The following TRIO variants were observed in gnomAD, a reference collection of about 807,000 sequenced individuals.
TRIO encodes trio Rho guanine nucleotide exchange factor.
A neutral mutation model predicts 351.9 loss-of-function variants in TRIO; 58 were observed. That is an observed-to-expected ratio of 0.16 (90% CI 0.13 to 0.21). The LOEUF (loss-of-function observed/expected upper bound fraction) is 0.21, where lower values mean the gene tolerates loss of function less well. TRIO is among the 10% of genes least tolerant of loss of function. TRIO has a pLI of 1.00. For missense variants in TRIO, 3,201 were observed against 4,027.8 expected (o/e 0.79, Z 5.56); for synonymous variants, 1,758 against 1,595.7 (o/e 1.10, Z -2.42).
chr5:14,249,099 C>T (rs1011113906), intron 1 of TRIO, among the ~76,000 whole-genome samples: 1 of 152,234 alleles, frequency 6.6e-6, no homozygotes, highest in African/African-American at 2.4e-5. Flanking sequence ...CTAACCTTGG[C>T]TGGAGGCAGA....
At chr5:14,475,526 CAG>C (rs748309232) in intron 40 of TRIO, among the ~76,000 whole-genome samples, 5 of 152,238 alleles carry the variant, frequency 3.3e-5, no homozygotes, top group African/African-American at 7.2e-5. Context: ...TCCCTCCTAA[CAG>C]AATGTAAAAC....
At chr5:14,369,024 G>A in intron 17 of TRIO, 125 bp downstream of exon 17, 1 of 1,196,226 alleles carries the variant, frequency 8.4e-7, no homozygotes, top group Non-Finnish European at 1.2e-6. Context: ...AGTCAAGCAG[G>A]GAAAAGGCAT....
chr5:14,268,224 C>T lies in TRIO; in HGVS notation c.158-2601C>T, dbSNP rs1001253268. ...TGAGACATTTATTGAGTTCTGTTTT[C>T]TGCACCCTACTTTCAAATCAATATG... On this transcript the variant is annotated intron_variant, in intron 1 of 56. Transcript: ENST00000344204. Among the ~76,000 whole-genome samples the T allele has an allele frequency of 5.3e-5, 8 of 152,340 alleles. No homozygotes were observed. In the East Asian group the frequency reaches 9.6e-4, roughly 18 times the overall value.
Position 14,388,688 on chromosome 5 carries a change from G to GTTTTTTTTTTTTTTTTTTTTTTTTTTT in TRIO, c.3948+27_3948+28insTTTTTTTTTTTTTTTTTTTTTTTTTTT. The GTTTTTTTTTTTTTTTTTTTTTTTTTTT allele has an allele frequency of 6.9e-7, 1 of 1,440,392 alleles. No individual in the cohort carries two copies. 89.2% of individuals were successfully genotyped at this position (1,440,392 alleles called of 1,614,324 possible). On this transcript the variant is annotated intron_variant, in intron 24 of 56. Coordinates refer to ENST00000344204, the MANE Select transcript of TRIO (RefSeq NM_007118.4). ...TCCGGGAATGTATGGATGTAAGTAAGTTTTTTTTTTTTTTTTTTGCTTGTT... is the reference window on the plus strand; with the variant it reads ...TCCGGGAATGTATGGATGTAAGTAAGTTTTTTTTTTTTTTTTTTTTTTTTTTTTTTTTTTTTTTTTTTTTTGCTTGTT...
intron 1 of TRIO, among the ~76,000 whole-genome samples, chr5:14,263,652 C>G (rs1314742310): frequency 1.3e-5 from 2 of 152,118 alleles, no homozygotes; most frequent in African/African-American, 4.8e-5. Context: ...TCATTTGATA[C>G]ACACTAAATT....
intron 1 of TRIO, among the ~76,000 whole-genome samples, chr5:14,206,765 C>G (rs562146897): frequency 6.6e-6 from 1 of 152,292 alleles, no homozygotes; most frequent in African/African-American, 2.4e-5. Flanking sequence ...TTTCCGTGTA[C>G]TGGCAAAAAA....
intron 31 of TRIO, among the ~76,000 whole-genome samples, chr5:14,405,413 CCT>C (rs1178476702): frequency 6.6e-6 from 1 of 152,222 alleles, no homozygotes; most frequent in African/African-American, 2.4e-5. Flanking sequence ...GCCGCTGTTC[CCT>C]GAGTCCAGCA....
Position 14,280,451 on chromosome 5 carries a change from G to A in TRIO, c.347+15G>A. 4.4e-6 allele frequency: 7 copies of A among 1,603,378 alleles called. No individual in the cohort carries two copies. Among genetic ancestry groups the A allele is most frequent in the South Asian group, 2.2e-5 (2 of 90,840 alleles). On this transcript the variant is annotated intron_variant, in intron 3 of 56. Transcript: ENST00000344204. ...TGTATTCCCAGGTAAGTTCTGTGTGGCTTGTGCTTGTCACTGATGTCACAT... is the reference window on the plus strand; with the variant it reads ...TGTATTCCCAGGTAAGTTCTGTGTGACTTGTGCTTGTCACTGATGTCACAT...
intron 1 of TRIO, among the ~76,000 whole-genome samples, chr5:14,230,039 C>T (rs1055836374): frequency 2.6e-5 from 4 of 152,146 alleles, no homozygotes; most frequent in African/African-American, 9.7e-5. Context: ...GAAGTTGTAA[C>T]GTTTGCCAGC....
At chr5:14,261,735 A>G (rs936676982) in intron 1 of TRIO, among the ~76,000 whole-genome samples, 1 of 152,086 alleles carries the variant, frequency 6.6e-6, no homozygotes, top group Non-Finnish European at 1.5e-5. Flanking sequence ...CTCCCAGTTC[A>G]CTTCTTCCAA....
intron 1 of TRIO, among the ~76,000 whole-genome samples, chr5:14,172,428 TCTTCTGAGTGACAGTCA>T (rs1581269583): frequency 6.6e-6 from 1 of 152,164 alleles, no homozygotes; most frequent in Non-Finnish European, 1.5e-5. Context: ...GTGGCTCCTG[TCTTCTGAGTGACAGTCA>T]CTTTCAAGTG....
chr5:14,352,976 T>C (rs1055581858), intron 11 of TRIO, among the ~76,000 whole-genome samples: 8 of 152,116 alleles, frequency 5.3e-5, no homozygotes, highest in Non-Finnish European at 8.8e-5. Flanking sequence ...GAGGAAGTGA[T>C]TTCTATAGAC....
chr5:14,281,611 G>A (rs775505492), intron 3 of TRIO, among the ~76,000 whole-genome samples: 2 of 152,142 alleles, frequency 1.3e-5, no homozygotes, highest in African/African-American at 2.4e-5. Context: ...TAAGGATACA[G>A]TCATGCCTGG....
At chr5:14,496,727 C>G in intron 49 of TRIO, 152 bp from the exon 50 acceptor site, 1 of 983,726 alleles carries the variant, frequency 1.0e-6, no homozygotes, top group Non-Finnish European at 1.4e-6. Context: ...AAAAAAGGAA[C>G]ATTTTCTCTA....
At chr5:14,290,595 T>C in intron 4 of TRIO, 121 bp from the exon 5 acceptor site, 1 of 1,032,786 alleles carries the variant, frequency 9.7e-7, no homozygotes, top group Non-Finnish European at 1.4e-6. Flanking sequence ...AGGTATGTTA[T>C]GTTTTCTATA....
intron 37 of TRIO, chr5:14,466,014 CTGTT>C (rs1317343117): frequency 1.1e-5 from 3 of 265,506 alleles, no homozygotes; most frequent in Admixed American, 4.3e-5. Flanking sequence ...TGTTGAGTGT[CTGTT>C]TGGGCTCAGA....
In TRIO at chr5:14,381,127, C is replaced by A; in HGVS notation, c.3448-3C>A. 6.2e-7 allele frequency: 1 copy of A among 1,613,200 alleles called. No homozygotes were observed. On this transcript the variant is annotated splice_region_variant and splice_polypyrimidine_tract_variant and intron_variant, in intron 20 of 56. Coordinates refer to ENST00000344204, the MANE Select transcript of TRIO (RefSeq NM_007118.4). ...TGACTCCATTCATTCCTTCCCCTTC[C>A]AGGCTTTGGAATGGATCCATGACAA...
intron 1 of TRIO, among the ~76,000 whole-genome samples, chr5:14,146,046 G>A (rs536051878): frequency 1.3e-5 from 2 of 152,208 alleles, no homozygotes; most frequent in Non-Finnish European, 1.5e-5. Context: ...TCCCATTCCA[G>A]CGATAGCCTG....
At chr5:14,445,194 C>A (rs1752349235) in intron 34 of TRIO, among the ~76,000 whole-genome samples, 1 of 152,184 alleles carries the variant, frequency 6.6e-6, no homozygotes, top group Admixed American at 6.5e-5. Context: ...CCATGGAATT[C>A]ATCCATGGAG....
Sources: allele counts gnomAD v4.1 joint callset (sites outside exome capture counted in the v4.1 genomes callset), GRCh38; gene constraint gnomAD v4.1.1; transcripts MANE v1.5; gene names NCBI Gene and HGNC (gene_info 2026-07-23, HGNC 2026-07-21).